The following FCGR3A variants were observed in gnomAD, a reference collection of about 807,000 sequenced individuals.
The protein encoded by FCGR3A is Fc gamma receptor IIIa, also known as low affinity immunoglobulin gamma Fc region receptor III-A.
FCGR3A carries 13 observed loss-of-function variants against 24.1 expected under a neutral mutation model. That is an observed-to-expected ratio of 0.54 (90% CI 0.35 to 0.86). The LOEUF (loss-of-function observed/expected upper bound fraction) is 0.86, where lower values mean the gene tolerates loss of function less well. Among genes scored for constraint, FCGR3A ranks in the 40% least tolerant of loss-of-function variants. The pLI, the probability that FCGR3A is intolerant of heterozygous loss-of-function variation, is 0.01. For missense variants in FCGR3A, 235 were observed against 298.0 expected, an observed-to-expected ratio of 0.79 and a Z score of 1.56; for synonymous variants, 93 against 112.2, an observed-to-expected ratio of 0.83 and a Z score of 1.08.
rs945047181 is a variant in FCGR3A, at chr1:161,549,685, A to T, written c.40+12T>A. ...TCAAACTTCTCCCTCAACCAGGGAG[A>T]CCCTGACTTACCTAGAAGTAGCAGA... On this transcript the variant is annotated intron_variant, in intron 1 of 4. Coordinates refer to ENST00000443193, the MANE Select transcript of FCGR3A (RefSeq NM_000569.8). 6.2e-7 allele frequency: 1 copy of T among 1,613,344 alleles called. No individual in the cohort carries two copies. Among genetic ancestry groups the T allele is most frequent in the Non-Finnish European group, 8.5e-7 (1 of 1,179,706 alleles).
chr1:161,544,584 C>T, intron 4 of FCGR3A, 117 bp downstream of exon 4: 1 of 1,141,166 alleles, frequency 8.8e-7, no homozygotes, highest in Non-Finnish European at 1.3e-6. Context: ...AGGAGGGAAC[C>T]ACATATGAAG....
At position 161,549,772 on chromosome 1, in the gene FCGR3A, T is replaced by C. The variant is rs758742978; in HGVS notation, c.-36A>G. On this transcript the variant is annotated 5_prime_UTR_variant, in exon 1 of 5. Coordinates refer to ENST00000443193, the MANE Select transcript of FCGR3A (RefSeq NM_000569.8). Reference sequence around the variant, plus strand: ...TGGAGTGGACAAGTCACCAAAGATATCCGGAGCCCTAAAGGGACCAAACCG... The same window carrying C: ...TGGAGTGGACAAGTCACCAAAGATACCCGGAGCCCTAAAGGGACCAAACCG... The C allele has an allele frequency of 3.1e-6, 5 of 1,613,672 alleles. No homozygotes were observed. The highest frequency in any genetic ancestry group is 3.4e-6 in the Non-Finnish European group (4 of 1,179,886).
At chr1:161,543,243 A>G in intron 4 of FCGR3A, 44 bp from the exon 5 acceptor site, 1 of 1,592,776 alleles carries the variant, frequency 6.3e-7, no homozygotes, top group African/African-American at 1.3e-5. Context: ...ACAGTCACTA[A>G]GGCAGATATT....
intron 3 of FCGR3A, 90 bp from the exon 4 acceptor site, chr1:161,545,048 C>T: frequency 1.3e-6 from 2 of 1,548,238 alleles, no homozygotes; most frequent in Non-Finnish European, 1.7e-6. Flanking sequence ...GATCCTGAGA[C>T]ATAAGGGAAA....
intron 3 of FCGR3A, among the ~76,000 whole-genome samples, 179 bp downstream of exon 3, chr1:161,548,241 AT>A (rs1166690135): frequency 6.6e-6 from 1 of 152,294 alleles, no homozygotes; most frequent in Non-Finnish European, 1.5e-5. Context: ...AGGCTTTGAC[AT>A]TTTGCCCAAG....
At chr1:161,549,847 C>CT (rs1677667532), upstream of FCGR3A, 1 of 1,612,098 alleles carries the variant, frequency 6.2e-7, no homozygotes, top group African/African-American at 1.3e-5. Context: ...CCACCCATCT[C>CT]TGTCACCCAC....
At chr1:161,544,675 G>C in intron 4 of FCGR3A, 26 bp downstream of exon 4, 1 of 1,607,254 alleles carries the variant, frequency 6.2e-7, no homozygotes, top group East Asian at 2.2e-5. Flanking sequence ...GCGTCCCTGG[G>C]CATTCCAGGG....
intron 3 of FCGR3A, among the ~76,000 whole-genome samples, chr1:161,546,920 A>G (rs1447683732): frequency 1.3e-5 from 2 of 151,904 alleles, no homozygotes; most frequent in Non-Finnish European, 2.9e-5. Context: ...CAAAAACAAA[A>G]ACAAACACAA....
rs150126795 is a variant in FCGR3A, at chr1:161,549,584, G to A, written c.40+113C>T. The A allele has an allele frequency of 5.9e-3, 8,928 of 1,513,808 alleles. 62 individuals carry two copies. Among genetic ancestry groups the A allele is most frequent in the Non-Finnish European group, 7.0e-3 (7,941 of 1,133,020 alleles). 93.8% of individuals were successfully genotyped at this position (1,513,808 alleles called of 1,614,324 possible). A position where few individuals can be genotyped will look rare whatever the true frequency, so the allele number is the denominator to read the frequency against. On this transcript the variant is annotated intron_variant, in intron 1 of 4. Coordinates refer to ENST00000443193, the MANE Select transcript of FCGR3A (RefSeq NM_000569.8). Reference sequence around the variant, plus strand: ...AGGAGCTCAATCCACAGCTATAGATGTGGTGAGGGGTCCCATCCCTTCGTG... The same window carrying A: ...AGGAGCTCAATCCACAGCTATAGATATGGTGAGGGGTCCCATCCCTTCGTG...
At chr1:161,550,669 G>A (rs1338924138), upstream of FCGR3A, 1 of 152,414 alleles carries the variant, frequency 6.6e-6, no homozygotes, top group Non-Finnish European at 1.5e-5. Flanking sequence ...CAGGAAGTGG[G>A]AGGGTTGTTA....
At chr1:161,545,324 A>C (rs1677338710) in intron 3 of FCGR3A, 1 of 249,712 alleles carries the variant, frequency 4.0e-6, no homozygotes, top group Non-Finnish European at 7.7e-6. Context: ...AGATCAGAGT[A>C]AAAATTGCAT....
chr1:161,546,189 A>G (rs1166836719), intron 3 of FCGR3A, among the ~76,000 whole-genome samples: 1 of 152,076 alleles, frequency 6.6e-6, no homozygotes. Context: ...ACAGAAAGTA[A>G]TCTTCATTAC....
At chr1:161,549,371 A>T (rs2102536026) in intron 1 of FCGR3A, among the ~76,000 whole-genome samples, 1 of 152,196 alleles carries the variant, frequency 6.6e-6, no homozygotes, top group Middle Eastern at 3.4e-3. Flanking sequence ...AGAAATTGAA[A>T]ATCATAGAGG....
rs1677309975 is a variant in FCGR3A at position 161,544,807 on chromosome 1, G to A, written c.471C>T (p.Phe157=). ...CTTTGAGTGTGGCTTTTGGAATGTA[G>A]AAGTCAGAATTATGATGAAAATACT... is the stretch of plus-strand genomic sequence containing the variant. ...GRKYFHHNSD[F]YIPKATLKDS... The change falls in exon 4 of 5, where the codon TTC becomes TTT. Residue 157 remains phenylalanine, a synonymous_variant. Coordinates refer to ENST00000443193, the MANE Select transcript of FCGR3A (RefSeq NM_000569.8). The A allele has an allele frequency of 2.4e-5, 38 of 1,613,846 alleles. No homozygotes were observed. Among genetic ancestry groups the A allele is most frequent in the Non-Finnish European group, 3.2e-5 (38 of 1,179,866 alleles).
intron 3 of FCGR3A, chr1:161,545,863 C>T (rs1677368254): frequency 6.6e-6 from 1 of 152,028 alleles, no homozygotes; most frequent in East Asian, 1.9e-4. Flanking sequence ...GTTAAAAAAG[C>T]ATAATACTTC....
chr1:161,546,619 A>G (rs1433138517), intron 3 of FCGR3A, among the ~76,000 whole-genome samples: 1 of 152,048 alleles, frequency 6.6e-6, no homozygotes, highest in Non-Finnish European at 1.5e-5. Flanking sequence ...GAAGTAAAAA[A>G]TGCAGGCTGG....
In FCGR3A at chr1:161,544,973, C is replaced by T. The variant is rs761864417; in HGVS notation, c.320-15G>A. 4.5e-6 allele frequency: 7 copies of T among 1,563,364 alleles called. 1 individual carries two copies. The Middle Eastern group carries it at 5.3e-4, about 119-fold the overall frequency. Reference sequence around the variant, plus strand: ...CAACAGCCAGCCTGAAAGACACAGACACCCCAGGCCCGGGAGGCCTCAGCT... The same window carrying T: ...CAACAGCCAGCCTGAAAGACACAGATACCCCAGGCCCGGGAGGCCTCAGCT... On this transcript the variant is annotated splice_polypyrimidine_tract_variant and intron_variant, in intron 3 of 4. Coordinates refer to ENST00000443193, the MANE Select transcript of FCGR3A (RefSeq NM_000569.8).
chr1:161,544,600 C>T (rs1677292176), intron 4 of FCGR3A, 101 bp downstream of exon 4: 8 of 1,336,544 alleles, frequency 6.0e-6, no homozygotes, highest in African/African-American at 1.5e-5. Context: ...TGAAGAAGTG[C>T]GTGTAAGAAT....
At chr1:161,544,563 T>C (rs1366070082) in intron 4 of FCGR3A, 138 bp downstream of exon 4, 1 of 877,568 alleles carries the variant, frequency 1.1e-6, no homozygotes, top group Admixed American at 2.8e-5. Flanking sequence ...GGGGACCTCC[T>C]GGTGATCACC....
Sources: gnomAD v4.1 joint callset for allele counts (sites outside exome capture counted in the v4.1 genomes callset) on GRCh38, gnomAD v4.1.1 for gene constraint, MANE v1.5 for transcripts, NCBI Gene and HGNC (gene_info 2026-07-23, HGNC 2026-07-21) for gene names.